The following RAB28 variants were observed in gnomAD, a reference collection of about 807,000 sequenced individuals.
RAB28 encodes RAB28, member RAS oncogene family.
In RAB28, 24 loss-of-function variants were observed where a neutral mutation model predicts 31.7. The ratio of observed to expected loss-of-function variants is 0.76; its 90% confidence interval spans 0.55 to 1.06. The LOEUF (loss-of-function observed/expected upper bound fraction) is 1.06, where lower values mean the gene tolerates loss of function less well. Ranked by LOEUF, RAB28 falls within the 50% of genes least tolerant of loss-of-function variation. RAB28 has a pLI of 0.00. For synonymous variants in RAB28, 100 were observed against 90.4 expected (o/e 1.11, Z -0.60); for missense variants, 254 against 258.5 (o/e 0.98, Z 0.12).
chr4:13,392,004 G>C (rs913021770), intron 4 of RAB28, among the ~76,000 whole-genome samples: 1 of 151,888 alleles, frequency 6.6e-6, no homozygotes, highest in South Asian at 2.1e-4. Flanking sequence ...GAACGTATTA[G>C]GTATACATTT....
At chr4:13,395,249 G>A (rs1411680774) in intron 4 of RAB28, among the ~76,000 whole-genome samples, 1 of 152,042 alleles carries the variant, frequency 6.6e-6, no homozygotes, top group East Asian at 1.9e-4. Flanking sequence ...GTATTAATTA[G>A]TAACAATAAA....
intron 4 of RAB28, among the ~76,000 whole-genome samples, chr4:13,428,157 G>T (rs752754993): frequency 6.6e-5 from 10 of 152,174 alleles, no homozygotes; most frequent in Non-Finnish European, 1.3e-4. Flanking sequence ...GTCAGGGGTC[G>T]ATCTTTAACC....
chr4:13,390,401 C>G (rs1176874868), intron 4 of RAB28, among the ~76,000 whole-genome samples: 1 of 151,918 alleles, frequency 6.6e-6, no homozygotes, highest in Non-Finnish European at 1.5e-5. Flanking sequence ...AACCACTGCT[C>G]AAGGAAATAA....
intron 4 of RAB28, among the ~76,000 whole-genome samples, chr4:13,455,968 A>G (rs1715278927): frequency 6.6e-6 from 1 of 152,260 alleles, no homozygotes; most frequent in Non-Finnish European, 1.5e-5. Context: ...GCTAAAGTCC[A>G]TAAGTGTATT....
intron 4 of RAB28, among the ~76,000 whole-genome samples, chr4:13,448,688 T>C (rs1331569130): frequency 1.3e-5 from 2 of 152,082 alleles, no homozygotes; most frequent in Non-Finnish European, 2.9e-5. Flanking sequence ...AGCTTATGCA[T>C]TTGATTTGGA....
intron 1 of RAB28, among the ~76,000 whole-genome samples, chr4:13,480,193 G>GAT (rs1340047195): frequency 6.6e-6 from 1 of 151,640 alleles, no homozygotes; most frequent in African/African-American, 2.4e-5. Flanking sequence ...AACCAGAACA[G>GAT]ATATACATTT....
intron 3 of RAB28, chr4:13,473,792 T>G (rs1463892789): frequency 4.2e-6 from 1 of 237,194 alleles, no homozygotes; most frequent in African/African-American, 2.4e-5. Context: ...TACAGCATTA[T>G]CATAGTAAAT....
chr4:13,439,209 C>G (rs1307145313), intron 4 of RAB28, among the ~76,000 whole-genome samples: 5 of 152,172 alleles, frequency 3.3e-5, no homozygotes, highest in Non-Finnish European at 7.4e-5. Flanking sequence ...TCTCTCTCTA[C>G]AGACTTGATT....
intron 4 of RAB28, among the ~76,000 whole-genome samples, chr4:13,431,132 T>C (rs1479771730): frequency 6.6e-6 from 1 of 152,144 alleles, no homozygotes; most frequent in Admixed American, 6.5e-5. Context: ...TTACAAAAAG[T>C]GGCAGCAACC....
At chr4:13,368,790 G>T in intron 6 of RAB28, 140 bp from the exon 7 acceptor site, 4 of 580,014 alleles carry the variant, frequency 6.9e-6, no homozygotes, top group Non-Finnish European at 7.9e-6. Flanking sequence ...GATATTAAAA[G>T]AATAAGCCAG....
At chr4:13,409,008 T>C (rs1449314257) in intron 4 of RAB28, among the ~76,000 whole-genome samples, 1 of 152,212 alleles carries the variant, frequency 6.6e-6, no homozygotes, top group Non-Finnish European at 1.5e-5. Context: ...ATAGTAATTC[T>C]AATTAAAATT....
intron 4 of RAB28, 95 bp downstream of exon 4, chr4:13,460,604 T>C: frequency 1.3e-6 from 2 of 1,488,906 alleles, no homozygotes; most frequent in Non-Finnish European, 9.3e-7. Context: ...GATTAGGTCT[T>C]TGACATATAA....
intron 2 of RAB28, among the ~76,000 whole-genome samples, chr4:13,476,067 G>C (rs1469795832): frequency 6.6e-6 from 1 of 151,454 alleles, no homozygotes; most frequent in African/African-American, 2.4e-5. Context: ...AGTGCTAAAA[G>C]GTGTTTAATC....
intron 2 of RAB28, among the ~76,000 whole-genome samples, chr4:13,477,666 T>C (rs566053381): frequency 6.6e-6 from 1 of 151,344 alleles, no homozygotes; most frequent in South Asian, 2.1e-4. Flanking sequence ...AATAGAAGTT[T>C]TTTTCTGGAA....
intron 4 of RAB28, among the ~76,000 whole-genome samples, chr4:13,421,423 AT>A: frequency 6.6e-6 from 1 of 152,346 alleles, no homozygotes; most frequent in South Asian, 2.1e-4. Context: ...TTCATATGGA[AT>A]AAAAAAAGAG....
chr4:13,391,921 G>A (rs973439352), intron 4 of RAB28, among the ~76,000 whole-genome samples: 3 of 151,906 alleles, frequency 2.0e-5, no homozygotes, highest in African/African-American at 7.3e-5. Context: ...GGGGGGCTGG[G>A]GGAGGGATAG....
chr4:13,464,152 T>A (rs2038864865), intron 3 of RAB28, among the ~76,000 whole-genome samples: 1 of 151,972 alleles, frequency 6.6e-6, no homozygotes, highest in South Asian at 2.1e-4. Context: ...AGTGAGGAAC[T>A]CCTAGGGGCC....
intron 3 of RAB28, 103 bp downstream of exon 3, chr4:13,474,215 A>T: frequency 1.2e-6 from 1 of 832,642 alleles, no homozygotes. Flanking sequence ...TCAGATAAAA[A>T]GTTAGAAAGA....
chr4:13,392,585 C>T (rs940912598), intron 4 of RAB28, among the ~76,000 whole-genome samples: 4 of 152,202 alleles, frequency 2.6e-5, no homozygotes, highest in Non-Finnish European at 5.9e-5. Context: ...CAACAGCGTG[C>T]AAGCATTCCC....
Sources: allele counts gnomAD v4.1 joint callset (sites outside exome capture counted in the v4.1 genomes callset), GRCh38; gene constraint gnomAD v4.1.1; transcripts MANE v1.5; gene names NCBI Gene and HGNC (gene_info 2026-07-23, HGNC 2026-07-21).